SCLT1: variants seen among roughly 807,000 people sequenced by gnomAD.
The protein encoded by SCLT1 is sodium channel and clathrin linker 1.
Under a neutral mutation model 112.8 loss-of-function variants are expected in SCLT1, and 78 were observed. The ratio of observed to expected loss-of-function variants is 0.69; its 90% confidence interval spans 0.58 to 0.83. The LOEUF (loss-of-function observed/expected upper bound fraction) is 0.83. Ranked by LOEUF, SCLT1 falls within the 40% of genes least tolerant of loss-of-function variation. The pLI is 0.00. For missense variants in SCLT1, 747 were observed against 770.4 expected, an observed-to-expected ratio of 0.97 and a Z score of 0.36; for synonymous variants, 257 against 254.7, an observed-to-expected ratio of 1.01 and a Z score of -0.09.
intron 5 of SCLT1, among the ~76,000 whole-genome samples, chr4:129,024,193 T>A (rs1373811819): frequency 2.0e-5 from 3 of 152,184 alleles, no homozygotes; most frequent in African/African-American, 4.8e-5. Flanking sequence ...AGCAGTGGTT[T>A]TCCCAGCACA....
chr4:128,970,671 C>T (rs563763848), intron 9 of SCLT1: 38 of 509,302 alleles, frequency 7.5e-5, no homozygotes, highest in Admixed American at 2.0e-4. Context: ...AGCTGAATGG[C>T]GAAGGGTATG....
chr4:128,934,179 G>A (rs1435489893), intron 18 of SCLT1, among the ~76,000 whole-genome samples: 1 of 151,640 alleles, frequency 6.6e-6, no homozygotes, highest in African/African-American at 2.4e-5. Flanking sequence ...CCTTCATTCT[G>A]TCCCGCTCTC....
chr4:128,981,750 GA>G (rs945994161), intron 9 of SCLT1, among the ~76,000 whole-genome samples: 87 of 147,006 alleles, frequency 5.9e-4, no homozygotes, highest in Middle Eastern at 3.5e-3. Flanking sequence ...AAAAAAAAAA[GA>G]AAAAAAAAGA....
chr4:128,920,767 C>T (rs1224479174), intron 18 of SCLT1, among the ~76,000 whole-genome samples: 1 of 152,168 alleles, frequency 6.6e-6, no homozygotes, highest in African/African-American at 2.4e-5. Flanking sequence ...CAAGGATGCC[C>T]ACTCTCACTA....
chr4:129,020,548 G>A (rs1383638750), intron 5 of SCLT1, among the ~76,000 whole-genome samples: 1 of 152,194 alleles, frequency 6.6e-6, no homozygotes, highest in South Asian at 2.1e-4. Context: ...CTAGAGAAGA[G>A]AGAGAATCAG....
At chr4:128,934,009 T>C (rs1045035224) in intron 18 of SCLT1, among the ~76,000 whole-genome samples, 1 of 152,046 alleles carries the variant, frequency 6.6e-6, no homozygotes, top group African/African-American at 2.4e-5. Flanking sequence ...AGCCATCAAC[T>C]TCCTATATAA....
intron 18 of SCLT1, among the ~76,000 whole-genome samples, chr4:128,913,981 C>A (rs1162844379): frequency 1.3e-5 from 2 of 152,168 alleles, no homozygotes. Context: ...CGCTCCTCAC[C>A]ACTGCCCACA....
rs184859090 is a variant in SCLT1 at position 128,992,079 on chromosome 4, A to T, written c.686+88T>A. The T allele has an allele frequency of 1.3e-3, 1,028 of 792,858 alleles. 9 individuals carry two copies. In the African/African-American group the frequency reaches 0.016, roughly 12 times the overall value. The allele number at this position is 792,858 out of a possible 1,614,324, so 49.1% of individuals were successfully genotyped here. A position where few individuals can be genotyped will look rare whatever the true frequency, so the allele number is the denominator to read the frequency against. On this transcript the variant is annotated intron_variant, in intron 9 of 20. Coordinates refer to ENST00000281142, the MANE Select transcript of SCLT1 (RefSeq NM_144643.4). The stretch of plus-strand genomic sequence containing the variant: ...AAGCTTAACAAAAGGAAGGCAAAAA[A>T]ACACCCATGGGGAAAATTATAGCAT...
intron 2 of SCLT1, among the ~76,000 whole-genome samples, chr4:129,050,849 T>C (rs1748714558): frequency 6.6e-6 from 1 of 152,228 alleles, no homozygotes; most frequent in Non-Finnish European, 1.5e-5. Context: ...TCTACTGGGC[T>C]TTTTATGGTT....
intron 2 of SCLT1, among the ~76,000 whole-genome samples, chr4:129,063,958 G>C (rs1383542134): frequency 1.3e-5 from 2 of 152,244 alleles, no homozygotes; most frequent in Middle Eastern, 6.8e-3. Flanking sequence ...TGCCATCTTG[G>C]GGCAGGAGTG....
intron 15 of SCLT1, among the ~76,000 whole-genome samples, chr4:128,947,212 T>C (rs1738246290): frequency 6.6e-6 from 1 of 152,206 alleles, no homozygotes; most frequent in African/African-American, 2.4e-5. Flanking sequence ...CTGTTGTCTT[T>C]TGCCTTGTAA....
intron 5 of SCLT1, among the ~76,000 whole-genome samples, chr4:129,030,356 G>A (rs936501294): frequency 2.0e-5 from 3 of 152,124 alleles, no homozygotes; most frequent in African/African-American, 7.2e-5. Flanking sequence ...ACATCAGAAA[G>A]TGGGAAAGAT....
intron 5 of SCLT1, among the ~76,000 whole-genome samples, chr4:129,034,471 C>T (rs1038853043): frequency 4.0e-4 from 59 of 148,510 alleles, no homozygotes; most frequent in Middle Eastern, 3.5e-3. Context: ...TAACAAGATG[C>T]CAAATATCAC....
At chr4:129,000,015 G>T (rs280604) in intron 6 of SCLT1, among the ~76,000 whole-genome samples, 109,456 of 151,686 alleles carry the variant, frequency 0.72, 41,491 homozygotes, top group South Asian at 0.9. Flanking sequence ...TGAAATTGTG[G>T]TTTTACTCAG....
At chr4:129,025,378 G>A (rs376683174) in intron 5 of SCLT1, among the ~76,000 whole-genome samples, 1 of 152,336 alleles carries the variant, frequency 6.6e-6, no homozygotes, top group African/African-American at 2.4e-5. Context: ...AGCCAGAAGA[G>A]AGTGGGGGCC....
Position 128,884,199 on chromosome 4 carries a change from A to G in SCLT1, c.*278T>C. The G allele has an allele frequency of 3.5e-6, 1 of 284,792 alleles. No homozygotes were observed. The highest frequency in any genetic ancestry group is 6.4e-6 in the Non-Finnish European group (1 of 155,428). 17.6% of individuals were successfully genotyped at this position (284,792 alleles called of 1,614,324 possible). ...GAAAATTATTATGTCCTTTCAAGGG[A>G]AAAAGGAGGAATTAAAAAACAGACA... On this transcript the variant is annotated 3_prime_UTR_variant, in exon 21 of 21. Coordinates refer to ENST00000281142, the MANE Select transcript of SCLT1 (RefSeq NM_144643.4).
rs146275412 is a variant in SCLT1 at position 128,959,359 on chromosome 4, C to T, written c.1047+241G>A. On this transcript the variant is annotated intron_variant, in intron 12 of 20. Transcript: ENST00000281142. ...GACTACAGGGGATGAAGATTAGTTA[C>T]GCAGCATCTGGGAGAATAAGAAAGT... is the stretch of plus-strand genomic sequence containing the variant. Among the ~76,000 whole-genome samples, 72 of 151,246 alleles carry T rather than the reference C, an allele frequency of 4.8e-4. 1 individual carries two copies. In the East Asian group the frequency reaches 0.011, roughly 23 times the overall value.
In SCLT1 at chr4:129,003,938, C is replaced by T. The variant is rs541883778; in HGVS notation, c.291-62G>A. 6.8e-6 allele frequency: 10 copies of T among 1,464,956 alleles called. No homozygotes were observed. The East Asian group carries it at 1.9e-4, about 27-fold the overall frequency. 90.7% of individuals were successfully genotyped at this position (1,464,956 alleles called of 1,614,324 possible). A position where few individuals can be genotyped will look rare whatever the true frequency, so the allele number is the denominator to read the frequency against. On this transcript the variant is annotated intron_variant, in intron 5 of 20. Transcript: ENST00000281142. ...ATTTTCGTAACAGTAATTACTGTTT[C>T]GAGGTCAATTAAACATTTGGGTCAA...
chr4:129,008,157 T>C (rs1025422771), intron 5 of SCLT1, among the ~76,000 whole-genome samples: 4 of 152,214 alleles, frequency 2.6e-5, no homozygotes, highest in African/African-American at 7.2e-5. Flanking sequence ...ACCCCTTCCA[T>C]AGTTCCAAAC....
Sources: allele counts gnomAD v4.1 joint callset (sites outside exome capture counted in the v4.1 genomes callset), GRCh38; gene constraint gnomAD v4.1.1; transcripts MANE v1.5; gene names NCBI Gene and HGNC (gene_info 2026-07-23, HGNC 2026-07-21).